Variants in MTMR6 observed in about 807,000 individuals in gnomAD.
MTMR6 encodes myotubularin related protein 6.
A neutral mutation model predicts 80.1 loss-of-function variants in MTMR6; 47 were observed. The ratio of observed to expected loss-of-function variants is 0.59; its 90% confidence interval spans 0.46 to 0.75. The LOEUF (loss-of-function observed/expected upper bound fraction) is 0.75. MTMR6 is among the 30% of genes least tolerant of loss of function. The probability of loss-of-function intolerance (pLI) is 0.00; values close to 1 mark genes in which losing one functional copy is unlikely to be tolerated. For missense variants in MTMR6, 629 were observed against 730.9 expected (o/e 0.86, Z 1.61); for synonymous variants, 254 against 253.0 (o/e 1.00, Z -0.04).
Position 25,249,291 on chromosome 13 carries a change from A to G in MTMR6, c.1807T>C (p.Ser603Pro). Residue 603 changes from serine (S) to proline (P), a missense_variant, in exon 14 of 14, where the codon TCT (serine) becomes CCT (proline). Physicochemically the swap from Ser to Pro is moderately conservative, Grantham distance 74. Coordinates refer to ENST00000381801, the MANE Select transcript of MTMR6 (RefSeq NM_004685.5). Reference protein sequence around the residue: ...NRYSEYAEEFSKSEPAVVSLE... With the variant: ...NRYSEYAEEFPKSEPAVVSLE... The stretch of plus-strand genomic sequence containing the variant: ...CTGACCACAGCAGGTTCTGATTTAG[A>G]AAACTCTTCTGCATATTCACTATAA... 1 of 1,614,126 alleles carries G rather than the reference A, an allele frequency of 6.2e-7. No individual in the cohort carries two copies. The highest frequency in any genetic ancestry group is 8.5e-7 in the Non-Finnish European group (1 of 1,179,962).
chr13:25,279,576 C>G (rs59863231), intron 1 of MTMR6, among the ~76,000 whole-genome samples: 1 of 152,116 alleles, frequency 6.6e-6, no homozygotes, highest in Non-Finnish European at 1.5e-5. Context: ...AGTTAGTAAT[C>G]TAGTCAAGTA....
At chr13:25,264,199 CA>C (rs1957399815) in intron 5 of MTMR6, among the ~76,000 whole-genome samples, 1 of 150,120 alleles carries the variant, frequency 6.7e-6, no homozygotes, top group Admixed American at 6.6e-5. Flanking sequence ...TTAAAAACAC[CA>C]CAGCAAAAAA....
At chr13:25,282,169 T>A (rs1337799715) in intron 1 of MTMR6, among the ~76,000 whole-genome samples, 1 of 151,982 alleles carries the variant, frequency 6.6e-6, no homozygotes, top group Non-Finnish European at 1.5e-5. Context: ...CTCCCCGCCA[T>A]CCCCCATGTG....
At chr13:25,278,076 G>A (rs559393547) in intron 1 of MTMR6, among the ~76,000 whole-genome samples, 1 of 152,270 alleles carries the variant, frequency 6.6e-6, no homozygotes, top group Admixed American at 6.5e-5. Flanking sequence ...GTTATCTGAG[G>A]AGATGGAGAC....
At chr13:25,269,403 A>T in intron 2 of MTMR6, among the ~76,000 whole-genome samples, 1 of 152,180 alleles carries the variant, frequency 6.6e-6, no homozygotes, top group East Asian at 1.9e-4. Context: ...TGGTATTTTA[A>T]ACATATGCTT....
chr13:25,269,465 C>A (rs1957522670), intron 2 of MTMR6, among the ~76,000 whole-genome samples: 1 of 152,082 alleles, frequency 6.6e-6, no homozygotes, highest in Admixed American at 6.5e-5. Context: ...AAAATGCCTA[C>A]TTTTTCTTAA....
intron 5 of MTMR6, among the ~76,000 whole-genome samples, chr13:25,264,775 A>AAAAAAAAAAAAAAAAAAAAAAAAAAAAAG (rs1491106020): frequency 2.2e-5 from 3 of 133,640 alleles, no homozygotes; most frequent in Non-Finnish European, 3.3e-5. Context: ...AAAAAAAAAA[A>AAAAAAAAAAAAAAAAAAAAAAAAAAAAAG]GAAATTTCAG....
chr13:25,252,221 T>C (rs1418806491), intron 11 of MTMR6, among the ~76,000 whole-genome samples: 2 of 152,192 alleles, frequency 1.3e-5, no homozygotes. Flanking sequence ...ACATTTTCTC[T>C]CACAACCATA....
intron 1 of MTMR6, among the ~76,000 whole-genome samples, chr13:25,282,951 A>T (rs900543068): frequency 6.6e-6 from 1 of 151,812 alleles, no homozygotes; most frequent in Admixed American, 6.6e-5. Context: ...ACAGAGTCTC[A>T]ACATATTCTC....
At chr13:25,270,447 G>A (rs568351643) in intron 2 of MTMR6, among the ~76,000 whole-genome samples, 1 of 152,160 alleles carries the variant, frequency 6.6e-6, no homozygotes, top group Non-Finnish European at 1.5e-5. Flanking sequence ...GAATAACACA[G>A]ATATCTTTTT....
chr13:25,263,643 T>C (rs942477930), intron 5 of MTMR6, among the ~76,000 whole-genome samples: 3 of 152,144 alleles, frequency 2.0e-5, no homozygotes, highest in Non-Finnish European at 2.9e-5. Context: ...TCCCAGCACT[T>C]TGGGAGGCCG....
At position 25,251,685 on chromosome 13, in the gene MTMR6, A is replaced by G; in HGVS notation, c.1569T>C (p.Asn523=). The G allele has an allele frequency of 6.5e-7, 1 of 1,538,434 alleles. No individual in the cohort carries two copies. Among genetic ancestry groups the G allele is most frequent in the South Asian group, 1.1e-5 (1 of 87,476 alleles). Residue 523 remains asparagine, a synonymous_variant, in exon 13 of 14, where the codon AAT becomes AAC. Transcript: ENST00000381801. This position sits in a 1 kb window ranked among gnomAD's most constrained non-coding sequence, Gnocchi z 4.1. ...CTTTAATATCTTTCTCTAATTGTTT[A>G]TTTTGCTCATTCATATTCATAATTA... ...FNIIMNMNEQ[N]KQLEKDIKDL...
In MTMR6 at chr13:25,251,991, A is replaced by G. The variant is rs767351906; in HGVS notation, c.1347-7T>C. 2 of 1,606,578 alleles carry G rather than the reference A, an allele frequency of 1.2e-6. No individual in the cohort carries two copies. The highest frequency in any genetic ancestry group is 1.1e-5 in the South Asian group (1 of 89,526). ...ATAAGTCTTCTCCTTCAACCTTAAT[A>G]TAATGAGAAAAACACAGAGATCTTT... is the stretch of plus-strand genomic sequence containing the variant. On this transcript the variant is annotated splice_region_variant and splice_polypyrimidine_tract_variant and intron_variant, in intron 11 of 13. Transcript: ENST00000381801. The surrounding 1 kb of genome is among the most constrained non-coding windows in gnomAD (Gnocchi z 4.1).
chr13:25,264,137 G>T (rs1351249907), intron 5 of MTMR6, among the ~76,000 whole-genome samples: 1 of 151,484 alleles, frequency 6.6e-6, no homozygotes. Flanking sequence ...TCACATCCAG[G>T]AATAGAAAAC....
chr13:25,278,780 G>A (rs1205481887), intron 1 of MTMR6, among the ~76,000 whole-genome samples: 2 of 151,438 alleles, frequency 1.3e-5, no homozygotes, highest in Admixed American at 6.6e-5. Flanking sequence ...AGCTACTTAG[G>A]AGGCTGAGGC....
At chr13:25,257,648 T>C in intron 8 of MTMR6, 88 bp downstream of exon 8, 2 of 934,496 alleles carry the variant, frequency 2.1e-6, no homozygotes, top group Non-Finnish European at 3.3e-6. Flanking sequence ...AGTTATCTGA[T>C]GAATAGATAC....
intron 9 of MTMR6, among the ~76,000 whole-genome samples, chr13:25,254,778 A>T (rs999948790): frequency 4.6e-5 from 7 of 152,212 alleles, no homozygotes; most frequent in African/African-American, 7.2e-5. Context: ...AGAAAAATGT[A>T]AACCAAAACT....
chr13:25,261,874 A>G, intron 5 of MTMR6, 72 bp from the exon 6 acceptor site: 3 of 1,418,966 alleles, frequency 2.1e-6, no homozygotes, highest in Non-Finnish European at 1.9e-6. Context: ...TTACAAGAAA[A>G]AAAAGCCAAA....
In MTMR6 at chr13:25,251,599, CG is replaced by C. The variant is rs112378600; in HGVS notation, c.1605+49del. ...CCAACAATACAAATATTAGTCTAAT[CG>C]TAAACTAATTTCACATTCCAAATAT... On this transcript the variant is annotated intron_variant, in intron 13 of 13. Transcript: ENST00000381801. This position sits in a 1 kb window ranked among gnomAD's most constrained non-coding sequence, Gnocchi z 4.1. The C allele has an allele frequency of 8.5e-3, 11,761 of 1,387,550 alleles. 833 individuals carry two copies. The African/African-American group carries it at 0.15, about 18-fold the overall frequency. The allele number at this position is 1,387,550 out of a possible 1,614,324, so 86.0% of individuals were successfully genotyped here.
Sources: gnomAD v4.1 joint callset for allele counts (sites outside exome capture counted in the v4.1 genomes callset) on GRCh38, gnomAD v4.1.1 for gene constraint, Gnocchi (gnomAD v3.1) non-coding constraint, MANE v1.5 for transcripts, NCBI Gene and HGNC (gene_info 2026-07-23, HGNC 2026-07-21) for gene names.